PTPRT: variants seen among roughly 807,000 people sequenced by gnomAD.
The protein encoded by PTPRT is receptor-type tyrosine-protein phosphatase T.
A neutral mutation model predicts 176.8 loss-of-function variants in PTPRT; 56 were observed. That is an observed-to-expected ratio of 0.32 (90% CI 0.26 to 0.40). The LOEUF (loss-of-function observed/expected upper bound fraction) is 0.40, where lower values mean the gene tolerates loss of function less well. Ranked by LOEUF, PTPRT falls within the 10% of genes least tolerant of loss-of-function variation. The pLI is 1.00. For synonymous variants in PTPRT, 783 were observed against 739.0 expected (o/e 1.06, Z -0.96); for missense variants, 1,540 against 1,908.2 (o/e 0.81, Z 3.60).
At chr20:42,498,205 G>A (rs960598371) in intron 7 of PTPRT, among the ~76,000 whole-genome samples, 4 of 152,178 alleles carry the variant, frequency 2.6e-5, no homozygotes, top group Admixed American at 2.0e-4. Flanking sequence ...CTTGTAAATC[G>A]AAAATAAAAT....
chr20:42,130,348 G>T (rs1416597749), intron 18 of PTPRT, among the ~76,000 whole-genome samples: 2 of 152,182 alleles, frequency 1.3e-5, no homozygotes, highest in Non-Finnish European at 2.9e-5. Context: ...GGGGCCACCT[G>T]CTGGAACCTG....
chr20:42,086,726 C>CAAAAAA (rs367948746), intron 27 of PTPRT, among the ~76,000 whole-genome samples: 11 of 82,238 alleles, frequency 1.3e-4, no homozygotes, highest in African/African-American at 4.3e-4. Context: ...GACTCCATCT[C>CAAAAAA]AAAAAAAAAA....
intron 1 of PTPRT, among the ~76,000 whole-genome samples, chr20:42,915,569 A>G (rs1978687874): frequency 6.6e-6 from 1 of 152,234 alleles, no homozygotes; most frequent in Admixed American, 6.5e-5. Flanking sequence ...AGCTGGGGAC[A>G]GGTGAATCAC....
At chr20:42,323,214 G>T (rs1373459535) in intron 11 of PTPRT, among the ~76,000 whole-genome samples, 1 of 151,394 alleles carries the variant, frequency 6.6e-6, no homozygotes, top group East Asian at 1.9e-4. Context: ...ATTCCTCAGG[G>T]ATCTAGAACT....
intron 7 of PTPRT, among the ~76,000 whole-genome samples, chr20:42,502,654 A>T (rs1161891611): frequency 6.6e-6 from 1 of 152,100 alleles, no homozygotes; most frequent in Non-Finnish European, 1.5e-5. Flanking sequence ...GACTATATGA[A>T]TAGATATAAA....
intron 11 of PTPRT, among the ~76,000 whole-genome samples, chr20:42,320,667 T>C (rs2057787675): frequency 6.6e-6 from 1 of 151,782 alleles, no homozygotes; most frequent in African/African-American, 2.4e-5. Context: ...TGAGAGAAAA[T>C]GGGAGGAAGT....
chr20:42,958,069 C>G (rs1008880289), intron 1 of PTPRT, among the ~76,000 whole-genome samples: 11 of 149,708 alleles, frequency 7.3e-5, no homozygotes, highest in Non-Finnish European at 1.3e-4. Flanking sequence ...CAGACAGGCT[C>G]TGTGCCTCAC....
At chr20:42,927,714 G>A (rs1979577812) in intron 1 of PTPRT, among the ~76,000 whole-genome samples, 1 of 152,182 alleles carries the variant, frequency 6.6e-6, no homozygotes, top group Admixed American at 6.5e-5. Flanking sequence ...CTCACCATCA[G>A]CATGCAAGTC....
intron 9 of PTPRT, among the ~76,000 whole-genome samples, chr20:42,398,226 A>G (rs990140336): frequency 1.6e-4 from 25 of 152,220 alleles, no homozygotes; most frequent in African/African-American, 5.8e-4. Flanking sequence ...TAACCAATAG[A>G]TGTGTACAAA....
At chr20:42,761,445 A>T (rs1022590867) in intron 5 of PTPRT, among the ~76,000 whole-genome samples, 1 of 152,158 alleles carries the variant, frequency 6.6e-6, no homozygotes, top group African/African-American at 2.4e-5. Flanking sequence ...AAAAAAAAAA[A>T]AATAAAACAA....
At chr20:42,787,756 G>C (rs1600738564) in intron 3 of PTPRT, among the ~76,000 whole-genome samples, 1 of 152,294 alleles carries the variant, frequency 6.6e-6, no homozygotes, top group East Asian at 1.9e-4. Context: ...ATTATAAAAA[G>C]TAATTTGGTG....
chr20:43,142,661 G>A (rs1349797126), intron 1 of PTPRT, among the ~76,000 whole-genome samples: 2 of 152,182 alleles, frequency 1.3e-5, no homozygotes, highest in Non-Finnish European at 2.9e-5. Context: ...GGCAGAACCT[G>A]TTCCAGTCAA....
chr20:42,138,371 C>T (rs925217184), intron 18 of PTPRT, among the ~76,000 whole-genome samples: 2 of 152,152 alleles, frequency 1.3e-5, no homozygotes, highest in Non-Finnish European at 2.9e-5. Context: ...CACCAAAGGT[C>T]GCACCCACCT....
chr20:42,600,911 G>T (rs938747075), intron 7 of PTPRT, among the ~76,000 whole-genome samples: 1 of 152,160 alleles, frequency 6.6e-6, no homozygotes, highest in Admixed American at 6.5e-5. Context: ...ATACCACAAG[G>T]AATATGTGAG....
rs568280972 is a variant in PTPRT at position 42,854,374 on chromosome 20, T to A, written c.214+31433A>T. 1.2e-3 allele frequency among the ~76,000 whole-genome samples: 178 copies of A among 152,316 alleles called. 2 individuals are homozygous for A. The highest frequency in any genetic ancestry group is 4.0e-3 in the African/African-American group (167 of 41,562). ...CCAAGACATAGCAAGTTTGAACACC[T>A]TGACAAAGGAAAGAAACTAGGGAGG... On this transcript the variant is annotated intron_variant, in intron 2 of 30. Coordinates refer to ENST00000373187, the MANE Select transcript of PTPRT (RefSeq NM_007050.6).
At chr20:42,660,798 T>C (rs550773914) in intron 7 of PTPRT, among the ~76,000 whole-genome samples, 147 of 152,248 alleles carry the variant, frequency 9.7e-4, no homozygotes, top group South Asian at 2.5e-3. Flanking sequence ...CACAGATAAG[T>C]AGACAACTAT....
intron 1 of PTPRT, among the ~76,000 whole-genome samples, chr20:43,007,000 T>A (rs947606153): frequency 6.6e-6 from 1 of 152,196 alleles, no homozygotes; most frequent in South Asian, 2.1e-4. Flanking sequence ...CCTTCATACA[T>A]CAGCATGAAC....
intron 7 of PTPRT, among the ~76,000 whole-genome samples, chr20:42,610,586 T>C (rs1316492972): frequency 1.3e-5 from 2 of 152,118 alleles, no homozygotes; most frequent in Admixed American, 1.3e-4. Context: ...CAAACTAATC[T>C]GTGAGACAGG....
chr20:42,603,325 G>C (rs1288669436), intron 7 of PTPRT, among the ~76,000 whole-genome samples: 1 of 152,160 alleles, frequency 6.6e-6, no homozygotes, highest in Non-Finnish European at 1.5e-5. Context: ...CAAATGAGCA[G>C]CATCAGCCAG....
Sources: allele counts gnomAD v4.1 joint callset (sites outside exome capture counted in the v4.1 genomes callset), GRCh38; gene constraint gnomAD v4.1.1; transcripts MANE v1.5; gene names NCBI Gene and HGNC (gene_info 2026-07-23, HGNC 2026-07-21).